Variants in PLEKHG5 observed in about 807,000 individuals in gnomAD.
PLEKHG5 encodes the protein pleckstrin homology domain-containing family G member 5.
PLEKHG5 carries 52 observed loss-of-function variants against 103.8 expected under a neutral mutation model. The observed-to-expected ratio is 0.50, with a 90% CI of 0.40 to 0.63. The LOEUF is 0.63. PLEKHG5 is among the 30% of genes least tolerant of loss of function. The probability of loss-of-function intolerance (pLI) is 0.00; values close to 1 mark genes in which losing one functional copy is unlikely to be tolerated. For missense variants in PLEKHG5, 1,205 were observed against 1,347.6 expected (o/e 0.89, Z 1.66); for synonymous variants, 592 against 575.5 (o/e 1.03, Z -0.41).
chr1:6,491,812 C>T (rs1248144465), upstream of PLEKHG5: 3 of 323,634 alleles, frequency 9.3e-6, no homozygotes, highest in Non-Finnish European at 1.3e-5. This position sits in a 1 kb window ranked among gnomAD's most constrained non-coding sequence, Gnocchi z 4.1. Context: ...CCACTCCACA[C>T]TGCAATCCCC....
chr1:6,500,302 C>T (rs1645281085), upstream of PLEKHG5, among the ~76,000 whole-genome samples: 1 of 152,116 alleles, frequency 6.6e-6, no homozygotes, highest in African/African-American at 2.4e-5. Context: ...GGGGAGCAGC[C>T]CCTCAGTGGA....
Position 6,475,075 on chromosome 1 carries a change from C to G in PLEKHG5, c.274G>C (p.Val92Leu), listed in dbSNP as rs371516662. The change falls in exon 5 of 21, where the codon GTC becomes CTC. Residue 92 changes from valine (V) to leucine (L), a missense_variant. Transcript: ENST00000377728. Reference protein sequence around the residue: ...DLNVDIETEIVPAMKKKSLGE... With the variant: ...DLNVDIETEILPAMKKKSLGE... ...AGTGACTTCTTCTTCATGGCTGGGA[C>G]GATCTCTGTCTCAATGTCCACATTC... The G allele has an allele frequency of 6.2e-7, 1 of 1,610,470 alleles. No individual in the cohort carries two copies. Among genetic ancestry groups the G allele is most frequent in the Non-Finnish European group, 8.5e-7 (1 of 1,176,720 alleles).
At chr1:6,495,875 G>A (rs566759994), upstream of PLEKHG5, among the ~76,000 whole-genome samples, 79 of 152,328 alleles carry the variant, frequency 5.2e-4, no homozygotes, top group Middle Eastern at 0.014. Context: ...CACAGAAAGC[G>A]GGTGGCACTA....
intron 1 of PLEKHG5, among the ~76,000 whole-genome samples, chr1:6,518,130 C>T (rs1206802805): frequency 2.0e-5 from 3 of 151,100 alleles, no homozygotes; most frequent in African/African-American, 7.3e-5. Context: ...GACGGGGTTT[C>T]ACCATGTTAG....
intron 7 of PLEKHG5, among the ~76,000 whole-genome samples, 199 bp from the exon 8 acceptor site, chr1:6,473,653 C>T (rs1350550657): frequency 6.6e-6 from 1 of 152,120 alleles, no homozygotes; most frequent in Admixed American, 6.5e-5. Context: ...AGACTATCAT[C>T]CCCCAGTCCC....
Position 6,490,646 on chromosome 1 carries a change from T to TACC in PLEKHG5, c.-88+988_-88+990dup, listed in dbSNP as rs1645134301. On this transcript the variant is annotated intron_variant, in intron 1 of 20. Transcript: ENST00000377728. The surrounding 1 kb of genome is among the most constrained non-coding windows in gnomAD (Gnocchi z 8.0). ...GCTACCACCTGGACCGGCCGGGATG[T>TACC]ACCAACGGCGCCGCCCGGCTGGGAC... 1.0e-6 allele frequency: 1 copy of TACC among 975,688 alleles called. No individual in the cohort carries two copies. Among genetic ancestry groups the TACC allele is most frequent in the African/African-American group, 1.8e-5 (1 of 57,032 alleles). The allele number at this position is 975,688 out of a possible 1,614,324, so 60.4% of individuals were successfully genotyped here.
rs1488855096 is a variant in PLEKHG5, at chr1:6,469,131, CTCCTCCTCCTCCTCCTCT to C, written c.2142_2159del (p.Glu718_Glu723del). ...TGCCACTGTCCTCGCCTTCCTCCTC[CTCCTCCTCCTCCTCCTCT>C]TCCTCCTCCTGCTCATCCTCCTCCT... On this transcript the variant is annotated inframe_deletion, in exon 19 of 21. Transcript: ENST00000377728. 1.3e-6 allele frequency: 2 copies of C among 1,554,608 alleles called. No individual in the cohort carries two copies. The highest frequency in any genetic ancestry group is 1.7e-6 in the Non-Finnish European group (2 of 1,149,990).
At position 6,474,181 on chromosome 1, in the gene PLEKHG5, C is replaced by A. The variant is rs200894921; in HGVS notation, c.440-17G>T. 4 of 1,612,802 alleles carry A rather than the reference C, an allele frequency of 2.5e-6. No individual in the cohort carries two copies. In the African/African-American group the frequency reaches 5.3e-5, roughly 22 times the overall value. On this transcript the variant is annotated splice_polypyrimidine_tract_variant and intron_variant, in intron 6 of 20. Coordinates refer to ENST00000377728, the MANE Select transcript of PLEKHG5 (RefSeq NM_020631.6). ...TGGCTGGGGCTGCATGTGGGGGCCA[C>A]GAGAGATCCTCAGTACCCTGGTCTG...
chr1:6,470,452 C>T, intron 15 of PLEKHG5, 54 bp downstream of exon 15: 1 of 1,611,526 alleles, frequency 6.2e-7, no homozygotes, highest in Admixed American at 1.7e-5. Context: ...CCCTGCCTGC[C>T]AGCTGGGCCT....
chr1:6,497,357 G>A (rs1235841874), upstream of PLEKHG5: 28 of 1,085,538 alleles, frequency 2.6e-5, no homozygotes, highest in Middle Eastern at 1.1e-3. The surrounding 1 kb of genome is among the most constrained non-coding windows in gnomAD (Gnocchi z 6.1). Context: ...GGGGCGGGCG[G>A]CGGGCGGGGG....
upstream of PLEKHG5, among the ~76,000 whole-genome samples, chr1:6,499,034 T>C (rs1004172005): frequency 3.9e-5 from 6 of 152,180 alleles, no homozygotes; most frequent in Non-Finnish European, 8.8e-5. Context: ...TCAGCCAGCT[T>C]TGTGGGAGTT....
At chr1:6,497,104 G>A, upstream of PLEKHG5, 1 of 1,466,748 alleles carries the variant, frequency 6.8e-7, no homozygotes, top group Non-Finnish European at 9.1e-7. This position sits in a 1 kb window ranked among gnomAD's most constrained non-coding sequence, Gnocchi z 6.1. Flanking sequence ...GGTGGGGGCA[G>A]AGCGGCGCAA....
intron 1 of PLEKHG5, among the ~76,000 whole-genome samples, chr1:6,504,403 T>G (rs1485099172): frequency 6.6e-6 from 1 of 152,036 alleles, no homozygotes; most frequent in Non-Finnish European, 1.5e-5. Flanking sequence ...CGATGGGGCC[T>G]GGAGTTGCTG....
At position 6,472,633 on chromosome 1, in the gene PLEKHG5, G is replaced by A. The variant is rs762460471; in HGVS notation, c.985-11C>T. ...CCGCCGGGTCAGCTTCTAGAGGGAG[G>A]GCAGGATGGGTCATTCACGAGGCCT... On this transcript the variant is annotated splice_polypyrimidine_tract_variant and intron_variant, in intron 9 of 20. Transcript: ENST00000377728. 3.5e-5 allele frequency: 56 copies of A among 1,601,510 alleles called. 1 individual carries two copies. In the South Asian group the frequency reaches 5.1e-4, roughly 15 times the overall value.
intron 6 of PLEKHG5, 142 bp from the exon 7 acceptor site, chr1:6,474,306 C>T: frequency 7.5e-7 from 1 of 1,326,254 alleles, no homozygotes; most frequent in East Asian, 2.5e-5. Context: ...CCTCCCCTCC[C>T]CCAGCAGCAT....
chr1:6,476,520 C>T (rs1249371769), intron 2 of PLEKHG5, among the ~76,000 whole-genome samples: 1 of 152,132 alleles, frequency 6.6e-6, no homozygotes, highest in Non-Finnish European at 1.5e-5. Flanking sequence ...TCCCCACAGA[C>T]CCAAAAGGAC....
chr1:6,508,980 C>G (rs553987443), intron 1 of PLEKHG5, among the ~76,000 whole-genome samples: 1 of 152,356 alleles, frequency 6.6e-6, no homozygotes, highest in South Asian at 2.1e-4. Context: ...CCTCCTCACC[C>G]ACCTGTAGCG....
intron 1 of PLEKHG5, among the ~76,000 whole-genome samples, chr1:6,489,127 A>C (rs1013463813): frequency 3.9e-5 from 6 of 152,270 alleles, no homozygotes; most frequent in African/African-American, 1.4e-4. Flanking sequence ...GGCTGGAGGG[A>C]TGTCCTTGCC....
At chr1:6,492,936 C>T (rs1350237016), upstream of PLEKHG5, among the ~76,000 whole-genome samples, 3 of 143,348 alleles carry the variant, frequency 2.1e-5, no homozygotes, top group East Asian at 2.0e-4. Flanking sequence ...CCCCTGGCCT[C>T]GCTTGCCCCT....
Sources: gnomAD v4.1 joint callset for allele counts (sites outside exome capture counted in the v4.1 genomes callset) on GRCh38, gnomAD v4.1.1 for gene constraint, Gnocchi (gnomAD v3.1) non-coding constraint, MANE v1.5 for transcripts, NCBI Gene and HGNC (gene_info 2026-07-23, HGNC 2026-07-21) for gene names.